SNX29: variants seen among roughly 807,000 people sequenced by gnomAD.
SNX29 encodes sorting nexin 29, also known as sorting nexin-29.
Under a neutral mutation model 102.1 loss-of-function variants are expected in SNX29, and 78 were observed. The observed-to-expected ratio is 0.76, with a 90% CI of 0.64 to 0.92. The LOEUF (loss-of-function observed/expected upper bound fraction) is 0.92. Ranked by LOEUF, SNX29 falls within the 40% of genes least tolerant of loss-of-function variation. The pLI is 0.00. For synonymous variants in SNX29, 580 were observed against 414.5 expected, an observed-to-expected ratio of 1.40 and a Z score of -4.85; for missense variants, 1,280 against 1,061.7, an observed-to-expected ratio of 1.21 and a Z score of -2.86.
rs776525825 is a variant in SNX29, at chr16:12,563,181, C to T, written c.2319-5325C>T. The stretch of plus-strand genomic sequence containing the variant: ...GGGGCAACTCTGGGCTCAGGGATGT[C>T]ACTTCCCACAGTCAACATGCTGGGA... On this transcript the variant is annotated intron_variant, in intron 20 of 20. Coordinates refer to ENST00000566228, the MANE Select transcript of SNX29 (RefSeq NM_032167.5). Among the ~76,000 whole-genome samples the T allele has an allele frequency of 1.7e-4, 22 of 132,706 alleles. 1 individual carries two copies. Among genetic ancestry groups the T allele is most frequent in the Admixed American group, 6.3e-4 (8 of 12,764 alleles). 87.1% of individuals were successfully genotyped at this position (132,706 alleles called of 152,430 possible).
intron 16 of SNX29, among the ~76,000 whole-genome samples, chr16:12,394,046 G>A (rs1201243588): frequency 2.0e-5 from 3 of 152,216 alleles, no homozygotes. Flanking sequence ...TGTGTTCCCA[G>A]AGATGGAAAA....
chr16:12,329,249 C>G (rs1425047519), intron 15 of SNX29, among the ~76,000 whole-genome samples: 1 of 126,370 alleles, frequency 7.9e-6, no homozygotes, highest in Non-Finnish European at 1.6e-5. Context: ...TGCACTCCAG[C>G]CTGAGCAACA....
chr16:12,089,872 G>A (rs1156330255), intron 11 of SNX29: 1 of 390,514 alleles, frequency 2.6e-6, no homozygotes, highest in Non-Finnish European at 5.0e-6. Context: ...GCCCTCCCTT[G>A]TACAGGCAGT....
chr16:12,288,990 C>G (rs1220479773), intron 15 of SNX29, among the ~76,000 whole-genome samples: 1 of 152,228 alleles, frequency 6.6e-6, no homozygotes, highest in Non-Finnish European at 1.5e-5. Context: ...CCTACTAGCT[C>G]TAACTTTTAG....
intron 14 of SNX29, among the ~76,000 whole-genome samples, chr16:12,200,158 C>T (rs1223822508): frequency 2.0e-5 from 3 of 152,262 alleles, no homozygotes; most frequent in Middle Eastern, 3.4e-3. Flanking sequence ...ACAGCACCTA[C>T]CTCATGAGGC....
At chr16:12,538,004 T>TGTC (rs1483916883) in intron 20 of SNX29, among the ~76,000 whole-genome samples, 246 of 149,802 alleles carry the variant, frequency 1.6e-3, no homozygotes, top group African/African-American at 5.7e-3. Context: ...AAAAAAAAAA[T>TGTC]TGTCTGCCAT....
intron 3 of SNX29, among the ~76,000 whole-genome samples, chr16:12,010,572 G>A (rs1417070919): frequency 1.3e-5 from 2 of 152,152 alleles, no homozygotes; most frequent in East Asian, 3.9e-4. Flanking sequence ...GCTGCAGTGA[G>A]TCATCAACCC....
At chr16:12,379,513 T>A (rs1286520214) in intron 16 of SNX29, among the ~76,000 whole-genome samples, 2 of 152,208 alleles carry the variant, frequency 1.3e-5, no homozygotes, top group Non-Finnish European at 2.9e-5. Context: ...GGGCAGGCCA[T>A]GGGTCCAGGA....
chr16:12,385,369 G>T (rs2083306823), intron 16 of SNX29, among the ~76,000 whole-genome samples: 1 of 152,204 alleles, frequency 6.6e-6, no homozygotes, highest in Admixed American at 6.5e-5. Flanking sequence ...GAGACAACTT[G>T]TTCATAGAGG....
intron 18 of SNX29, among the ~76,000 whole-genome samples, chr16:12,447,147 C>T (rs1428152823): frequency 4.7e-5 from 5 of 107,080 alleles, no homozygotes; most frequent in African/African-American, 1.5e-4. Context: ...AGCCTGGCGA[C>T]AGAGGGAGAC....
At position 12,311,392 on chromosome 16, in the gene SNX29, G is replaced by C. The variant is rs74008970; in HGVS notation, c.1782+33356G>C. Among the ~76,000 whole-genome samples the C allele has an allele frequency of 3.7e-3, 559 of 152,290 alleles. 2 individuals are homozygous for C. Among genetic ancestry groups the C allele is most frequent in the African/African-American group, 0.013 (528 of 41,554 alleles). On this transcript the variant is annotated intron_variant, in intron 15 of 20. Coordinates refer to ENST00000566228, the MANE Select transcript of SNX29 (RefSeq NM_032167.5). ...CCCCTGTCCAGGTGTTAGTTTCTCTGGGCAGCCCATAGGGACCTCCCAGGC... is the reference window on the plus strand; with the variant it reads ...CCCCTGTCCAGGTGTTAGTTTCTCTCGGCAGCCCATAGGGACCTCCCAGGC...
At chr16:12,241,670 C>T (rs2078109239) in intron 14 of SNX29, among the ~76,000 whole-genome samples, 1 of 152,158 alleles carries the variant, frequency 6.6e-6, no homozygotes, top group East Asian at 1.9e-4. Flanking sequence ...CCATGTTGGC[C>T]AGGCTAGTCT....
At chr16:12,553,738 C>T (rs117481557) in intron 20 of SNX29, among the ~76,000 whole-genome samples, 2,287 of 152,140 alleles carry the variant, frequency 0.015, 55 homozygotes, top group South Asian at 0.11. Context: ...TATGCACATG[C>T]CACCACCCCC....
In SNX29 at chr16:12,521,874, G is replaced by C. The variant is rs148740050; in HGVS notation, c.2179-2828G>C. Among the ~76,000 whole-genome samples the C allele has an allele frequency of 5.3e-5, 8 of 152,314 alleles. No individual in the cohort carries two copies. The South Asian group carries it at 1.7e-3, about 32-fold the overall frequency. On this transcript the variant is annotated intron_variant, in intron 19 of 20. Coordinates refer to ENST00000566228, the MANE Select transcript of SNX29 (RefSeq NM_032167.5). Reference sequence around the variant, plus strand: ...CTTGTCTAAATATCTTCTCTCATTCGCACATAGCCCGCCTCCTGCCAGGGT... The same window carrying C: ...CTTGTCTAAATATCTTCTCTCATTCCCACATAGCCCGCCTCCTGCCAGGGT...
intron 20 of SNX29, among the ~76,000 whole-genome samples, chr16:12,557,041 C>G (rs1046249800): frequency 7.2e-6 from 1 of 138,832 alleles, no homozygotes; most frequent in South Asian, 2.6e-4. Context: ...AAGATGAGGT[C>G]TTGCTATGTG....
intron 1 of SNX29, among the ~76,000 whole-genome samples, chr16:11,995,652 A>C (rs2056040448): frequency 6.6e-6 from 1 of 151,896 alleles, no homozygotes; most frequent in Non-Finnish European, 1.5e-5. Context: ...CTCTTAAAAA[A>C]AAAAAAAAAA....
intron 13 of SNX29, among the ~76,000 whole-genome samples, chr16:12,185,490 C>T (rs1003629564): frequency 1.3e-5 from 2 of 152,180 alleles, no homozygotes; most frequent in African/African-American, 4.8e-5. Flanking sequence ...GCCCTGCAAA[C>T]GTGTGTTTCA....
At chr16:12,508,723 C>G (rs1024123906) in intron 19 of SNX29, among the ~76,000 whole-genome samples, 2 of 152,034 alleles carry the variant, frequency 1.3e-5, no homozygotes, top group African/African-American at 2.4e-5. Context: ...TTGATTCACT[C>G]CAGGTTTCTT....
intron 11 of SNX29, among the ~76,000 whole-genome samples, chr16:12,110,814 T>C (rs2053472343): frequency 6.6e-6 from 1 of 151,722 alleles, no homozygotes; most frequent in Non-Finnish European, 1.5e-5. Flanking sequence ...CAAAAAATGG[T>C]GTTTTTCTTT....
Sources: gnomAD v4.1 joint callset for allele counts (sites outside exome capture counted in the v4.1 genomes callset) on GRCh38, gnomAD v4.1.1 for gene constraint, MANE v1.5 for transcripts, NCBI Gene and HGNC (gene_info 2026-07-23, HGNC 2026-07-21) for gene names.